Variants in NPAT observed in about 807,000 individuals in gnomAD.
NPAT encodes nuclear protein, coactivator of histone transcription, also known as protein NPAT.
NPAT carries 52 observed loss-of-function variants against 130.7 expected under a neutral mutation model. That is an observed-to-expected ratio of 0.40 (90% CI 0.32 to 0.50). The LOEUF is 0.50. Among genes scored for constraint, NPAT ranks in the 20% least tolerant of loss-of-function variants. The pLI is 0.68. For missense variants in NPAT, 1,687 were observed against 1,662.6 expected (o/e 1.01, Z -0.26); for synonymous variants, 580 against 584.8 (o/e 0.99, Z 0.12).
At chr11:108,213,259 G>A (rs2078401486) in intron 1 of NPAT, among the ~76,000 whole-genome samples, 1 of 152,152 alleles carries the variant, frequency 6.6e-6, no homozygotes, top group Non-Finnish European at 1.5e-5. Flanking sequence ...GGCAACAAGA[G>A]CGAAACTCTG....
At chr11:108,172,080 A>C in intron 13 of NPAT, 119 bp downstream of exon 13, 1 of 871,932 alleles carries the variant, frequency 1.1e-6, no homozygotes, top group Non-Finnish European at 1.9e-6. Context: ...CACAAATTTC[A>C]GAATCTTTTC....
In NPAT at chr11:108,158,876, A is replaced by T; in HGVS notation, c.*66T>A. On this transcript the variant is annotated 3_prime_UTR_variant, in exon 18 of 18. Transcript: ENST00000278612. ...TGCTTTCAGATTCTGTCAATATCCC[A>T]TTCCCTACACTCAGTTTAAGGGATA... The T allele has an allele frequency of 4.4e-6, 4 of 914,938 alleles. No individual in the cohort carries two copies. The highest frequency in any genetic ancestry group is 7.2e-6 in the Non-Finnish European group (4 of 553,088). The allele number at this position is 914,938 out of a possible 1,614,324, so 56.7% of individuals were successfully genotyped here. A position where few individuals can be genotyped will look rare whatever the true frequency, so the allele number is the denominator to read the frequency against.
At chr11:108,201,735 G>A (rs1159337473) in intron 1 of NPAT, among the ~76,000 whole-genome samples, 1 of 152,214 alleles carries the variant, frequency 6.6e-6, no homozygotes, top group Non-Finnish European at 1.5e-5. Context: ...GAGGCTCTGG[G>A]TAGTGGATGA....
rs774211463 is a variant in NPAT at position 108,161,281 on chromosome 11, G to C, written c.3805C>G (p.Arg1269Gly). 3 of 1,614,112 alleles carry C rather than the reference G, an allele frequency of 1.9e-6. 1 individual carries two copies. The highest frequency in any genetic ancestry group is 1.3e-5 in the African/African-American group (1 of 75,000). ...LADSSDLPVP[R>G]TPGSGAGEKH... ...TCCCCTGCCCCTGAGCCAGGTGTCC[G>C]GGGCACAGGTAAATCACTACTATCA... The change falls in exon 17 of 18, where the codon CGG (arginine) becomes GGG (glycine). Residue 1269 changes from arginine (R) to glycine (G), a missense_variant. Arg to Gly is a moderately radical substitution (Grantham distance 125). This residue lies in a region of NPAT where 1,379 missense variants were observed against 1,346.6 expected (regional missense o/e 1.02). Transcript: ENST00000278612.
At chr11:108,160,147 CAAAA>C (rs777274843) in intron 17 of NPAT, among the ~76,000 whole-genome samples, 3 of 100,322 alleles carry the variant, frequency 3.0e-5, no homozygotes. Context: ...GACTCTGTCT[CAAAA>C]AAAAAAAAAA....
intron 1 of NPAT, among the ~76,000 whole-genome samples, chr11:108,200,149 A>C (rs1263713581): frequency 6.6e-6 from 1 of 152,128 alleles, no homozygotes; most frequent in Non-Finnish European, 1.5e-5. Context: ...ACCTGCGTTT[A>C]AGTTGTTTCC....
chr11:108,171,491 T>G (rs926316197), intron 13 of NPAT: 2 of 151,580 alleles, frequency 1.3e-5, no homozygotes, highest in Non-Finnish European at 2.9e-5. Flanking sequence ...TTCAAGTTTT[T>G]TTTTTTTTTT....
At chr11:108,169,521 A>G (rs2077930353) in intron 15 of NPAT, among the ~76,000 whole-genome samples, 1 of 152,214 alleles carries the variant, frequency 6.6e-6, no homozygotes. Flanking sequence ...CAAACCAAGG[A>G]CTACTGGGCA....
chr11:108,199,667 T>C (rs974992791), intron 1 of NPAT, among the ~76,000 whole-genome samples: 17 of 152,222 alleles, frequency 1.1e-4, no homozygotes, highest in African/African-American at 4.1e-4. Flanking sequence ...TTGTCAAGCC[T>C]CTGCCATCAC....
At chr11:108,209,311 A>G (rs897383687) in intron 1 of NPAT, among the ~76,000 whole-genome samples, 1 of 151,498 alleles carries the variant, frequency 6.6e-6, no homozygotes, top group African/African-American at 2.4e-5. Context: ...ATAAATAAAT[A>G]AATAAAAAGA....
intron 1 of NPAT, among the ~76,000 whole-genome samples, chr11:108,198,929 G>T (rs1354755807): frequency 2.6e-5 from 4 of 152,186 alleles, no homozygotes; most frequent in African/African-American, 7.2e-5. Flanking sequence ...CTGAATGGTG[G>T]GTGTGAAAGG....
At chr11:108,211,014 A>AT (rs2078378824) in intron 1 of NPAT, among the ~76,000 whole-genome samples, 1 of 151,976 alleles carries the variant, frequency 6.6e-6, no homozygotes, top group Non-Finnish European at 1.5e-5. Context: ...AGGTCAGGAG[A>AT]TTGAGACCAT....
At chr11:108,179,303 C>T (rs1188714552) in intron 10 of NPAT, among the ~76,000 whole-genome samples, 2 of 151,852 alleles carry the variant, frequency 1.3e-5, no homozygotes, top group Non-Finnish European at 2.9e-5. Flanking sequence ...GGAGTGTTCT[C>T]GTTGCCCAGG....
Position 108,172,405 on chromosome 11 carries a change from A to AT in NPAT, c.2578_2579insA (p.Phe860TyrfsTer6). The AT allele has an allele frequency of 6.2e-7, 1 of 1,614,146 alleles. No homozygotes were observed. The highest frequency in any genetic ancestry group is 8.5e-7 in the Non-Finnish European group (1 of 1,179,986). On this transcript the variant is annotated frameshift_variant, in exon 13 of 18. Transcript: ENST00000278612. LOFTEE classifies it high-confidence loss of function. ...TATCAGAATGTTATTTGAATTGCCAAAAGCTGTGCTTGTGGCTGGCATCAA... is the reference window on the plus strand; with the variant it reads ...TATCAGAATGTTATTTGAATTGCCAATAAGCTGTGCTTGTGGCTGGCATCAA...
intron 1 of NPAT, among the ~76,000 whole-genome samples, chr11:108,200,034 G>C (rs771599477): frequency 1.3e-5 from 2 of 152,218 alleles, no homozygotes; most frequent in Non-Finnish European, 2.9e-5. Context: ...GTTTTTGTCT[G>C]TTCTTAGAAG....
At chr11:108,193,844 G>A (rs2078194597) in intron 3 of NPAT, 113 bp downstream of exon 3, 4 of 688,994 alleles carry the variant, frequency 5.8e-6, no homozygotes, top group Admixed American at 5.6e-5. Flanking sequence ...ACAGGGACAA[G>A]TTTTTTCAAG....
intron 6 of NPAT, 52 bp downstream of exon 6, chr11:108,189,054 T>G: frequency 1.4e-6 from 2 of 1,389,328 alleles, no homozygotes; most frequent in East Asian, 2.3e-5. Flanking sequence ...TATTATCTCA[T>G]TCATACAATT....
At chr11:108,179,566 T>G in intron 10 of NPAT, among the ~76,000 whole-genome samples, 1 of 152,174 alleles carries the variant, frequency 6.6e-6, no homozygotes, top group East Asian at 1.9e-4. Context: ...AGCCTTACAT[T>G]TAAATCTTCC....
intron 3 of NPAT, 51 bp downstream of exon 3, chr11:108,193,906 T>A: frequency 9.5e-7 from 1 of 1,048,842 alleles, no homozygotes; most frequent in South Asian, 1.3e-5. Flanking sequence ...CTAAATCAAG[T>A]AGATAAATAT....
Sources: gnomAD v4.1 joint callset for allele counts (sites outside exome capture counted in the v4.1 genomes callset) on GRCh38, gnomAD v4.1.1 for gene constraint, gnomAD v4.1.1 regional missense constraint, MANE v1.5 for transcripts, NCBI Gene and HGNC (gene_info 2026-07-23, HGNC 2026-07-21) for gene names.